CNTN5: variants seen among roughly 807,000 people sequenced by gnomAD.
CNTN5 encodes the protein contactin 5.
In CNTN5, 77 loss-of-function variants were observed where a neutral mutation model predicts 129.1. The observed-to-expected ratio is 0.60, with a 90% CI of 0.50 to 0.72. CNTN5 has a LOEUF of 0.72. Ranked by LOEUF, CNTN5 falls within the 30% of genes least tolerant of loss-of-function variation. The probability of loss-of-function intolerance (pLI) is 0.00; values close to 1 mark genes in which losing one functional copy is unlikely to be tolerated. For synonymous variants in CNTN5, 509 were observed against 465.6 expected (o/e 1.09, Z -1.20); for missense variants, 1,478 against 1,328.8 (o/e 1.11, Z -1.75).
intron 3 of CNTN5, among the ~76,000 whole-genome samples, chr11:99,783,591 C>T (rs1945396235): frequency 8.7e-6 from 1 of 115,274 alleles, no homozygotes; most frequent in South Asian, 3.3e-4. Context: ...CAATGATAGA[C>T]TGGATTAAGA....
At chr11:99,866,897 G>A (rs1483452239) in intron 6 of CNTN5, among the ~76,000 whole-genome samples, 1 of 152,146 alleles carries the variant, frequency 6.6e-6, no homozygotes, top group Admixed American at 6.5e-5. Flanking sequence ...CAACATCTTT[G>A]TATAGATAGG....
intron 4 of CNTN5, among the ~76,000 whole-genome samples, chr11:99,822,449 T>C (rs562648325): frequency 6.6e-6 from 1 of 152,228 alleles, no homozygotes; most frequent in East Asian, 1.9e-4. Context: ...GACCTCAAAA[T>C]AGAGAGTGAA....
chr11:99,956,914 C>G lies in CNTN5; in HGVS notation c.782C>G (p.Thr261Arg). ...AACCTTTATATTTCTAAAGTCCAAA[C>G]ATCAGATGTTGGCAGCTATATTTGT... ...TGNLYISKVQ[T>R]SDVGSYICLV... Residue 261 changes from threonine to arginine, a missense_variant, in exon 8 of 25, where the codon ACA becomes AGA. Physicochemically the swap from Thr to Arg is moderately conservative, Grantham distance 71. Coordinates refer to ENST00000524871, the MANE Select transcript of CNTN5 (RefSeq NM_014361.4). The G allele has an allele frequency of 6.2e-7, 1 of 1,613,840 alleles. No individual in the cohort carries two copies. Among genetic ancestry groups the G allele is most frequent in the African/African-American group, 1.3e-5 (1 of 75,040 alleles).
chr11:100,299,796 T>C (rs954272659), intron 20 of CNTN5, among the ~76,000 whole-genome samples: 2 of 151,468 alleles, frequency 1.3e-5, no homozygotes, highest in African/African-American at 4.8e-5. Flanking sequence ...GACAAATAAA[T>C]ATTTATTTCT....
chr11:99,991,745 T>G (rs1305429677), intron 8 of CNTN5, among the ~76,000 whole-genome samples: 1 of 142,088 alleles, frequency 7.0e-6, no homozygotes, highest in Non-Finnish European at 1.5e-5. Context: ...GACATGCAGG[T>G]TTGTTTGTTT....
intron 13 of CNTN5, among the ~76,000 whole-genome samples, chr11:100,183,619 G>A (rs1231004250): frequency 1.3e-5 from 2 of 152,106 alleles, no homozygotes; most frequent in East Asian, 3.9e-4. Flanking sequence ...CAACGATGGG[G>A]TTAGAAGGGG....
intron 1 of CNTN5, among the ~76,000 whole-genome samples, chr11:99,301,841 C>T (rs541017198): frequency 2.0e-5 from 3 of 151,446 alleles, no homozygotes; most frequent in Non-Finnish European, 3.0e-5. Flanking sequence ...ACGTGACAAT[C>T]GTAAATAAGT....
Position 99,763,480 on chromosome 11 carries a change from G to A in CNTN5, c.56-56064G>A, listed in dbSNP as rs183087752. Among the ~76,000 whole-genome samples the A allele has an allele frequency of 3.6e-4, 55 of 152,104 alleles. 2 individuals are homozygous for A. The highest frequency in any genetic ancestry group is 2.6e-3 in the Admixed American group (39 of 15,252). ...TTGCTGATAAATTAATAATTTTATTGTGGATAATGTAGTTTTGGAATATAA... is the reference window on the plus strand; with the variant it reads ...TTGCTGATAAATTAATAATTTTATTATGGATAATGTAGTTTTGGAATATAA... On this transcript the variant is annotated intron_variant, in intron 3 of 24. Transcript: ENST00000524871.
chr11:99,761,287 T>A (rs762007183), intron 3 of CNTN5, among the ~76,000 whole-genome samples: 1 of 152,182 alleles, frequency 6.6e-6, no homozygotes, highest in Non-Finnish European at 1.5e-5. Context: ...TTATTATACT[T>A]TAAGTTTTAG....
rs558689447 is a variant in CNTN5, at chr11:99,667,742, C to T, written c.55+111473C>T. On this transcript the variant is annotated intron_variant, in intron 3 of 24. Coordinates refer to ENST00000524871, the MANE Select transcript of CNTN5 (RefSeq NM_014361.4). ...TTCTCACTCATAAGTGGGAGCTGAACAATGAGAACACATGGGCACAGGGAG... is the reference window on the plus strand; with the variant it reads ...TTCTCACTCATAAGTGGGAGCTGAATAATGAGAACACATGGGCACAGGGAG... Among the ~76,000 whole-genome samples, 218 of 152,160 alleles carry T rather than the reference C, an allele frequency of 1.4e-3. 1 individual carries two copies. Among genetic ancestry groups the T allele is most frequent in the African/African-American group, 4.9e-3 (205 of 41,526 alleles).
At chr11:99,201,810 G>A (rs11218793) in intron 1 of CNTN5, among the ~76,000 whole-genome samples, 19,781 of 152,150 alleles carry the variant, frequency 0.13, 1,429 homozygotes, top group Middle Eastern at 0.24. Flanking sequence ...CAAAGGGCAA[G>A]GAAATGGATT....
At chr11:99,916,293 T>C in intron 7 of CNTN5, 144 bp downstream of exon 7, 1 of 602,214 alleles carries the variant, frequency 1.7e-6, no homozygotes, top group Non-Finnish European at 3.0e-6. Context: ...AGATGAGTAA[T>C]TCAAGATCAC....
At chr11:99,590,836 G>A (rs1005807727) in intron 3 of CNTN5, among the ~76,000 whole-genome samples, 20 of 152,088 alleles carry the variant, frequency 1.3e-4, no homozygotes, top group Non-Finnish European at 2.5e-4. Flanking sequence ...CACAACACCA[G>A]GGATGCTAGC....
intron 2 of CNTN5, among the ~76,000 whole-genome samples, chr11:99,484,456 G>A (rs760844459): frequency 6.6e-5 from 10 of 152,032 alleles, no homozygotes; most frequent in African/African-American, 2.2e-4. Flanking sequence ...CAGCCACTAC[G>A]GAGAATAGCA....
At chr11:99,163,610 A>T (rs1370358398) in intron 1 of CNTN5, among the ~76,000 whole-genome samples, 1 of 152,074 alleles carries the variant, frequency 6.6e-6, no homozygotes, top group Non-Finnish European at 1.5e-5. Flanking sequence ...CCTAAAGTTT[A>T]TTTATTTCTA....
intron 21 of CNTN5, among the ~76,000 whole-genome samples, chr11:100,317,471 T>C (rs1951593421): frequency 6.6e-6 from 1 of 152,174 alleles, no homozygotes. Context: ...AGTAAGAATA[T>C]AAGAAACTAA....
chr11:99,233,587 T>C (rs1218449785), intron 1 of CNTN5, among the ~76,000 whole-genome samples: 7 of 152,320 alleles, frequency 4.6e-5, no homozygotes, highest in South Asian at 2.1e-4. Context: ...AGTTGGGTCA[T>C]GATCAATTAG....
rs181162218 is a variant in CNTN5 at position 100,174,094 on chromosome 11, G to A, written c.1581-17032G>A. On this transcript the variant is annotated intron_variant, in intron 13 of 24. Transcript: ENST00000524871. ...TGGGACCTTCCTGGATGTCCAAAAG[G>A]GATAGAAAAATGGATTTGACAGCAT... 9.1e-4 allele frequency among the ~76,000 whole-genome samples: 139 copies of A among 152,086 alleles called. 1 individual carries two copies. The highest frequency in any genetic ancestry group is 6.8e-3 in the Middle Eastern group (2 of 294).
intron 7 of CNTN5, among the ~76,000 whole-genome samples, chr11:99,944,036 T>G (rs1194094660): frequency 2.4e-5 from 3 of 123,918 alleles, no homozygotes; most frequent in Non-Finnish European, 5.3e-5. Context: ...TGGTTCCATA[T>G]AAAATTTAAA....
Sources: gnomAD v4.1 joint callset for allele counts (sites outside exome capture counted in the v4.1 genomes callset) on GRCh38, gnomAD v4.1.1 for gene constraint, MANE v1.5 for transcripts, NCBI Gene and HGNC (gene_info 2026-07-23, HGNC 2026-07-21) for gene names.